The following WFDC11 variants were observed in gnomAD, a reference collection of about 807,000 sequenced individuals.
WFDC11 encodes protein WFDC11.
In WFDC11, 9 loss-of-function variants were observed where a neutral mutation model predicts 9.9. The observed-to-expected ratio is 0.91, with a 90% CI of 0.55 to 1.58. The LOEUF (loss-of-function observed/expected upper bound fraction) is 1.58, where lower values mean the gene tolerates loss of function less well. WFDC11 is among the 40% of genes most tolerant of loss of function. The pLI, the probability that WFDC11 is intolerant of heterozygous loss-of-function variation, is 0.00. For synonymous variants in WFDC11, 32 were observed against 33.3 expected, an observed-to-expected ratio of 0.96 and a Z score of 0.13; for missense variants, 106 against 101.7, an observed-to-expected ratio of 1.04 and a Z score of -0.18.
At position 45,659,419 on chromosome 20, in the gene WFDC11, T is replaced by C. The variant is rs903236813; in HGVS notation, c.-52+7669A>G. Among the ~76,000 whole-genome samples the C allele has an allele frequency of 5.9e-5, 9 of 152,228 alleles. No homozygotes were observed. The East Asian group carries it at 1.2e-3, about 19-fold the overall frequency. On this transcript the variant is annotated intron_variant, in intron 2 of 4. Coordinates refer to ENST00000324384, the MANE Select transcript of WFDC11 (RefSeq NM_147197.2). ...GATTGCCATTCTAACTGGCGTGAGA[T>C]GGTATCTCATTGTGGTTTTGATTTG...
At chr20:45,668,159 T>C (rs1345003851) in intron 1 of WFDC11, among the ~76,000 whole-genome samples, 1 of 152,174 alleles carries the variant, frequency 6.6e-6, no homozygotes, top group East Asian at 1.9e-4. Context: ...ACGATACATC[T>C]TGGGCTTATT....
chr20:45,668,785 A>G (rs1319362485), intron 1 of WFDC11, among the ~76,000 whole-genome samples: 2 of 152,130 alleles, frequency 1.3e-5, no homozygotes, highest in Non-Finnish European at 2.9e-5. Context: ...AGATTGGTAG[A>G]TTACTCTGCC....
intron 1 of WFDC11, among the ~76,000 whole-genome samples, chr20:45,669,190 G>A (rs949814502): frequency 9.2e-5 from 14 of 152,064 alleles, no homozygotes; most frequent in African/African-American, 2.9e-4. Context: ...TACAGAGGCA[G>A]ATACTAAAAA....
chr20:45,654,288 C>T (rs1982873689), intron 2 of WFDC11, among the ~76,000 whole-genome samples: 1 of 152,188 alleles, frequency 6.6e-6, no homozygotes, highest in African/African-American at 2.4e-5. Context: ...CACTCAAAAC[C>T]ACTCAAATAC....
intron 2 of WFDC11, among the ~76,000 whole-genome samples, chr20:45,664,063 C>T (rs909993893): frequency 1.3e-5 from 2 of 152,134 alleles, no homozygotes; most frequent in East Asian, 3.9e-4. Context: ...GAGTCTAAGT[C>T]TCTTTGCAGG....
At chr20:45,659,346 C>G (rs904673771) in intron 2 of WFDC11, among the ~76,000 whole-genome samples, 2 of 152,048 alleles carry the variant, frequency 1.3e-5, no homozygotes, top group African/African-American at 2.4e-5. Context: ...AAAAGTGTTC[C>G]ATTTCTCCAC....
chr20:45,666,876 T>C (rs1983198202), intron 2 of WFDC11, among the ~76,000 whole-genome samples: 2 of 152,194 alleles, frequency 1.3e-5, no homozygotes, highest in South Asian at 4.1e-4. Flanking sequence ...TCTCAGGATA[T>C]CATATATGGA....
At chr20:45,666,388 C>T (rs528131065) in intron 2 of WFDC11, among the ~76,000 whole-genome samples, 10 of 152,348 alleles carry the variant, frequency 6.6e-5, no homozygotes, top group East Asian at 1.9e-4. Flanking sequence ...CCAGGTGAGG[C>T]GACACCCCAC....
intron 2 of WFDC11, among the ~76,000 whole-genome samples, chr20:45,662,343 A>G (rs954304378): frequency 1.1e-4 from 17 of 152,338 alleles, no homozygotes; most frequent in Admixed American, 9.1e-4. Context: ...TTTTCTAGAT[A>G]TGCAATCATG....
rs575948543 is a variant in WFDC11 at position 45,668,371 on chromosome 20, A to G, written c.-133-1202T>C. On this transcript the variant is annotated intron_variant, in intron 1 of 4. Coordinates refer to ENST00000324384, the MANE Select transcript of WFDC11 (RefSeq NM_147197.2). ...AGCAAAGCCTGTAGATTGTCCTAACATTTTCTTCTCTAGTTCTATTTCCTT... is the reference window on the plus strand; with the variant it reads ...AGCAAAGCCTGTAGATTGTCCTAACGTTTTCTTCTCTAGTTCTATTTCCTT... Among the ~76,000 whole-genome samples the G allele has an allele frequency of 2.8e-4, 43 of 151,810 alleles. No individual in the cohort carries two copies. In the South Asian group the frequency reaches 7.3e-3, roughly 26 times the overall value.
At chr20:45,656,594 A>C (rs1982937917) in intron 2 of WFDC11, among the ~76,000 whole-genome samples, 1 of 152,038 alleles carries the variant, frequency 6.6e-6, no homozygotes, top group South Asian at 2.1e-4. Flanking sequence ...GTGGGATCTA[A>C]TTAATCTAAA....
intron 2 of WFDC11, among the ~76,000 whole-genome samples, chr20:45,665,112 T>A (rs1348579221): frequency 6.6e-6 from 1 of 152,210 alleles, no homozygotes; most frequent in Non-Finnish European, 1.5e-5. Context: ...CTTTGTTCAT[T>A]TCTTTTTACT....
At chr20:45,658,912 C>CA (rs1223448220) in intron 2 of WFDC11, among the ~76,000 whole-genome samples, 4 of 151,986 alleles carry the variant, frequency 2.6e-5, no homozygotes, top group African/African-American at 9.7e-5. Flanking sequence ...TGCCCACCCC[C>CA]CCGTCCATGT....
intron 2 of WFDC11, among the ~76,000 whole-genome samples, chr20:45,651,413 T>A (rs754261991): frequency 2.0e-5 from 3 of 152,218 alleles, no homozygotes; most frequent in African/African-American, 4.8e-5. Context: ...TTTTTGTTGT[T>A]GCATAATATT....
intron 2 of WFDC11, among the ~76,000 whole-genome samples, chr20:45,653,505 A>G (rs1982856129): frequency 6.6e-6 from 1 of 152,204 alleles, no homozygotes; most frequent in Admixed American, 6.5e-5. Context: ...CATCGAGACT[A>G]GGAAGAAACT....
At chr20:45,664,227 A>C (rs1033961572) in intron 2 of WFDC11, among the ~76,000 whole-genome samples, 7 of 152,164 alleles carry the variant, frequency 4.6e-5, no homozygotes, top group Middle Eastern at 3.4e-3. Context: ...GTTTTATCAG[A>C]GACTAGAATT....
At chr20:45,669,578 G>C (rs991813518) in intron 1 of WFDC11, among the ~76,000 whole-genome samples, 1 of 151,882 alleles carries the variant, frequency 6.6e-6, no homozygotes, top group African/African-American at 2.4e-5. Flanking sequence ...ATGACTTTTT[G>C]GTAAACAACA....
At chr20:45,657,800 T>G (rs1982969495) in intron 2 of WFDC11, among the ~76,000 whole-genome samples, 1 of 152,236 alleles carries the variant, frequency 6.6e-6, no homozygotes. Context: ...AAATAAGCTT[T>G]GTGTTAGATA....
rs547138828 is a variant in WFDC11, at chr20:45,669,825, G to T, written c.-134+353C>A. On this transcript the variant is annotated intron_variant, in intron 1 of 4. Transcript: ENST00000324384. Reference sequence around the variant, plus strand: ...AAGAAAAGAAATAACCAAAATTAGAGCTGAACTGAACAAAATGGAGATAAG... The same window carrying T: ...AAGAAAAGAAATAACCAAAATTAGATCTGAACTGAACAAAATGGAGATAAG... Among the ~76,000 whole-genome samples the T allele has an allele frequency of 1.2e-3, 187 of 152,190 alleles. 2 individuals are homozygous for T. The highest frequency in any genetic ancestry group is 3.5e-3 in the African/African-American group (146 of 41,524).
Sources: gnomAD v4.1 joint callset for allele counts (sites outside exome capture counted in the v4.1 genomes callset) on GRCh38, gnomAD v4.1.1 for gene constraint, MANE v1.5 for transcripts, NCBI Gene and HGNC (gene_info 2026-07-23, HGNC 2026-07-21) for gene names.